Variants in SMIM14 observed in about 807,000 individuals in gnomAD.
The protein encoded by SMIM14 is small integral membrane protein 14, also known as chromosome 4 open reading frame 34.
Under a neutral mutation model 12.6 loss-of-function variants are expected in SMIM14, and 5 were observed. That is an observed-to-expected ratio of 0.40 (90% confidence interval 0.21 to 0.83). The LOEUF (loss-of-function observed/expected upper bound fraction) is 0.83. Ranked by LOEUF, SMIM14 falls within the 40% of genes least tolerant of loss-of-function variation. SMIM14 has a pLI of 0.37. For missense variants in SMIM14, 86 were observed against 119.1 expected, an observed-to-expected ratio of 0.72 and a Z score of 1.29; for synonymous variants, 30 against 40.1, an observed-to-expected ratio of 0.75 and a Z score of 0.95.
At chr4:39,569,445 C>T (rs1273040307) in intron 3 of SMIM14, among the ~76,000 whole-genome samples, 2 of 152,222 alleles carry the variant, frequency 1.3e-5, no homozygotes, top group African/African-American at 4.8e-5. Context: ...AAACAGGCAG[C>T]TCTGCTTCAG....
rs149618703 is a variant in SMIM14 at position 39,561,872 on chromosome 4, G to A, written c.125-5302C>T. Among the ~76,000 whole-genome samples the A allele has an allele frequency of 2.2e-3, 328 of 152,234 alleles. 1 individual carries two copies. The highest frequency in any genetic ancestry group is 6.5e-3 in the Admixed American group (99 of 15,284). On this transcript the variant is annotated intron_variant, in intron 3 of 4. Coordinates refer to ENST00000295958, the MANE Select transcript of SMIM14 (RefSeq NM_174921.3). ...ATTGCTCGAACCCGGAAGACAGGTC[G>A]CAGTGAGCCGAGATCGTGCCACTGC...
intron 1 of SMIM14, among the ~76,000 whole-genome samples, chr4:39,608,027 A>G (rs1221150140): frequency 6.6e-6 from 1 of 152,244 alleles, no homozygotes; most frequent in African/African-American, 2.4e-5. Context: ...AAAATGAGTG[A>G]TGTAGAAAAA....
intron 2 of SMIM14, among the ~76,000 whole-genome samples, chr4:39,574,568 T>C (rs1303319103): frequency 6.6e-6 from 1 of 152,180 alleles, no homozygotes; most frequent in East Asian, 1.9e-4. Flanking sequence ...TTTCAAGACC[T>C]TGGGGCAAGT....
chr4:39,563,277 G>C (rs1712409046), intron 3 of SMIM14, among the ~76,000 whole-genome samples: 1 of 151,972 alleles, frequency 6.6e-6, no homozygotes, highest in Non-Finnish European at 1.5e-5. Flanking sequence ...GACCAGGCTG[G>C]TCTCGAACTC....
intron 3 of SMIM14, among the ~76,000 whole-genome samples, chr4:39,571,654 G>A (rs1188021311): frequency 1.3e-5 from 2 of 152,100 alleles, no homozygotes; most frequent in African/African-American, 2.4e-5. Flanking sequence ...TAGATGTTAG[G>A]GAGAGAGTGA....
chr4:39,624,428 T>G (rs535775309), intron 1 of SMIM14, among the ~76,000 whole-genome samples: 67 of 152,188 alleles, frequency 4.4e-4, no homozygotes, highest in Non-Finnish European at 9.1e-4. Flanking sequence ...CAGGACTCAT[T>G]CCCCATCTGC....
intron 1 of SMIM14, among the ~76,000 whole-genome samples, chr4:39,618,880 G>C (rs1715325343): frequency 6.6e-6 from 1 of 152,000 alleles, no homozygotes; most frequent in Non-Finnish European, 1.5e-5. Flanking sequence ...AGAAGAAAGT[G>C]AGTGTGAATA....
intron 1 of SMIM14, among the ~76,000 whole-genome samples, chr4:39,633,446 A>G (rs1254767043): frequency 2.0e-5 from 3 of 152,250 alleles, no homozygotes; most frequent in Admixed American, 2.0e-4. Context: ...TTCATGCCCA[A>G]TATTAAAGGA....
At chr4:39,564,596 C>T (rs1166849389) in intron 3 of SMIM14, among the ~76,000 whole-genome samples, 3 of 152,120 alleles carry the variant, frequency 2.0e-5, no homozygotes, top group Admixed American at 6.5e-5. Context: ...GAGGGTGCCC[C>T]ATAGTGTTAT....
intron 1 of SMIM14, among the ~76,000 whole-genome samples, chr4:39,609,352 G>A (rs1714939897): frequency 6.6e-6 from 1 of 152,134 alleles, no homozygotes; most frequent in South Asian, 2.1e-4. Context: ...TACATAAATG[G>A]TGCCTAGAGA....
At chr4:39,635,022 TG>T (rs1716041050) in intron 1 of SMIM14, among the ~76,000 whole-genome samples, 1 of 152,190 alleles carries the variant, frequency 6.6e-6, no homozygotes, top group African/African-American at 2.4e-5. Flanking sequence ...TTCCATATAT[TG>T]ATAAATGCTG....
intron 1 of SMIM14, chr4:39,638,515 G>T (rs1249882170): frequency 1.0e-6 from 1 of 985,364 alleles, no homozygotes; most frequent in Admixed American, 6.1e-5. Flanking sequence ...ATCCTGCAGA[G>T]AATACCCAAT....
chr4:39,620,155 AC>A (rs1715426692), intron 1 of SMIM14, among the ~76,000 whole-genome samples: 1 of 151,168 alleles, frequency 6.6e-6, no homozygotes, highest in Non-Finnish European at 1.5e-5. Flanking sequence ...GGTCTGGGAA[AC>A]AGCAAGATCC....
At chr4:39,620,352 G>T (rs922945884) in intron 1 of SMIM14, among the ~76,000 whole-genome samples, 1 of 151,950 alleles carries the variant, frequency 6.6e-6, no homozygotes, top group African/African-American at 2.4e-5. Context: ...GGTGGCGGGC[G>T]CCTGTAGTCC....
intron 3 of SMIM14, among the ~76,000 whole-genome samples, chr4:39,556,991 T>C (rs1452304012): frequency 6.6e-6 from 1 of 151,880 alleles, no homozygotes; most frequent in Non-Finnish European, 1.5e-5. Flanking sequence ...AGAGACACTA[T>C]GTTGCCTGGG....
intron 2 of SMIM14, among the ~76,000 whole-genome samples, chr4:39,587,420 C>G (rs921314689): frequency 3.7e-5 from 5 of 136,854 alleles, no homozygotes; most frequent in Non-Finnish European, 7.6e-5. Flanking sequence ...TGGCATGAAA[C>G]AGGGACGTGG....
At chr4:39,601,393 C>T (rs1714607074) in intron 2 of SMIM14, among the ~76,000 whole-genome samples, 1 of 152,138 alleles carries the variant, frequency 6.6e-6, no homozygotes, top group African/African-American at 2.4e-5. Context: ...AAATTTTACT[C>T]TATTACAAAG....
chr4:39,606,228 C>A (rs1002526190), intron 1 of SMIM14, among the ~76,000 whole-genome samples: 4 of 151,920 alleles, frequency 2.6e-5, no homozygotes, highest in African/African-American at 7.3e-5. Context: ...AACCTGTGGT[C>A]CCAGCTACTC....
chr4:39,561,845 A>C (rs76978968), intron 3 of SMIM14, among the ~76,000 whole-genome samples: 1 of 151,848 alleles, frequency 6.6e-6, no homozygotes, highest in Non-Finnish European at 1.5e-5. Flanking sequence ...TGTAGCGGAA[A>C]AATTGCTCGA....
Sources: gnomAD v4.1 joint callset for allele counts (sites outside exome capture counted in the v4.1 genomes callset) on GRCh38, gnomAD v4.1.1 for gene constraint, MANE v1.5 for transcripts, NCBI Gene and HGNC (gene_info 2026-07-23, HGNC 2026-07-21) for gene names.